PTPN3: variants seen among roughly 807,000 people sequenced by gnomAD.
PTPN3 encodes the protein tyrosine-protein phosphatase non-receptor type 3.
In PTPN3, 96 loss-of-function variants were observed where a neutral mutation model predicts 132.7. The ratio of observed to expected loss-of-function variants is 0.72; its 90% CI spans 0.61 to 0.86. The LOEUF is 0.86. PTPN3 is among the 40% of genes least tolerant of loss of function. The pLI is 0.00. For synonymous variants in PTPN3, 398 were observed against 429.0 expected, an observed-to-expected ratio of 0.93 and a Z score of 0.89; for missense variants, 1,125 against 1,159.6, an observed-to-expected ratio of 0.97 and a Z score of 0.43.
At chr9:109,500,623 G>GAAA (rs34983104), upstream of PTPN3, among the ~76,000 whole-genome samples, 1 of 143,928 alleles carries the variant, frequency 6.9e-6, no homozygotes, top group Non-Finnish European at 1.5e-5. Flanking sequence ...AATGTTAAAT[G>GAAA]AAAAAAAAAA....
intron 2 of PTPN3, among the ~76,000 whole-genome samples, chr9:109,457,680 C>T (rs1158574679): frequency 1.3e-5 from 2 of 152,194 alleles, no homozygotes; most frequent in Admixed American, 6.5e-5. Context: ...ATGTCTAAAT[C>T]GGAAAACTCA....
chr9:109,524,972 G>A, the PTPN3 span, among the ~76,000 whole-genome samples: 21 of 152,204 alleles, frequency 1.4e-4, no homozygotes, highest in South Asian at 1.7e-3. Flanking sequence ...TCCTGGCCTC[G>A]TGGCCTTAAG....
At chr9:109,452,121 AG>A (rs973428767) in intron 5 of PTPN3, among the ~76,000 whole-genome samples, 1 of 152,066 alleles carries the variant, frequency 6.6e-6, no homozygotes, top group Non-Finnish European at 1.5e-5. Context: ...TACAAAAATT[AG>A]CTGGGCTTGA....
At chr9:109,519,065 C>T in the PTPN3 span, among the ~76,000 whole-genome samples, 3 of 152,118 alleles carry the variant, frequency 2.0e-5, no homozygotes, top group African/African-American at 4.8e-5. Flanking sequence ...CTGCCTAGTC[C>T]ACTTGACCTC....
intron 9 of PTPN3, among the ~76,000 whole-genome samples, chr9:109,434,322 T>C (rs1588420170): frequency 6.8e-6 from 1 of 147,304 alleles, no homozygotes; most frequent in Admixed American, 6.8e-5. Flanking sequence ...TTTCATATTT[T>C]TGTAGAGATG....
intron 1 of PTPN3, among the ~76,000 whole-genome samples, chr9:109,475,855 C>T (rs966947202): frequency 3.4e-4 from 51 of 152,200 alleles, no homozygotes; most frequent in African/African-American, 1.2e-3. Flanking sequence ...CCTCTGTTCC[C>T]GCCAAGGAGT....
At chr9:109,388,391 A>G (rs1185375056) in intron 22 of PTPN3, among the ~76,000 whole-genome samples, 1 of 152,222 alleles carries the variant, frequency 6.6e-6, no homozygotes, top group East Asian at 1.9e-4. Context: ...TAGACCTCAG[A>G]GGAGATGGGA....
chr9:109,392,257 C>T (rs1489205381), intron 19 of PTPN3, among the ~76,000 whole-genome samples: 1 of 152,154 alleles, frequency 6.6e-6, no homozygotes, highest in Admixed American at 6.5e-5. Context: ...GAACTCAGAT[C>T]TGACTCCAAG....
In PTPN3 at chr9:109,391,458, G is replaced by A. The variant is rs543297422; in HGVS notation, c.2044+13C>T. On this transcript the variant is annotated intron_variant, in intron 20 of 25. Transcript: ENST00000374541. ...GTGTAGGGGGGAAGGAGGCATTCAT[G>A]CCGGATACTCACAAGGCAGCACATC... is the stretch of plus-strand genomic sequence containing the variant. 6 of 1,601,800 alleles carry A rather than the reference G, an allele frequency of 3.7e-6. No individual in the cohort carries two copies. The East Asian group carries it at 1.1e-4, about 30-fold the overall frequency.
intron 19 of PTPN3, among the ~76,000 whole-genome samples, chr9:109,394,944 C>A (rs1227998840): frequency 6.6e-6 from 1 of 151,652 alleles, no homozygotes; most frequent in Non-Finnish European, 1.5e-5. Context: ...TTGAGACCAT[C>A]CAGGCTAACA....
chr9:109,536,791 C>T, the PTPN3 span, among the ~76,000 whole-genome samples: 14 of 152,174 alleles, frequency 9.2e-5, no homozygotes, highest in Non-Finnish European at 8.8e-5. Flanking sequence ...GACCTGGCTT[C>T]TCTTGCTGCC....
At chr9:109,472,758 ATAAATACAC>A (rs1216753019) in intron 1 of PTPN3, among the ~76,000 whole-genome samples, 4 of 152,244 alleles carry the variant, frequency 2.6e-5, no homozygotes, top group African/African-American at 9.6e-5. Flanking sequence ...CAATACAAAG[ATAAATACAC>A]TAAATACACT....
the PTPN3 span, among the ~76,000 whole-genome samples, chr9:109,513,319 G>A: frequency 2.0e-5 from 3 of 152,168 alleles, no homozygotes; most frequent in South Asian, 2.1e-4. Context: ...CACATCCGGC[G>A]TGGAATGTTC....
At chr9:109,459,501 T>C (rs996398995) in intron 2 of PTPN3, among the ~76,000 whole-genome samples, 6 of 152,208 alleles carry the variant, frequency 3.9e-5, no homozygotes, top group Non-Finnish European at 8.8e-5. Context: ...ATAAGAACAA[T>C]GACGTTCATA....
the PTPN3 span, among the ~76,000 whole-genome samples, chr9:109,535,372 T>G: frequency 1.1e-3 from 168 of 152,322 alleles, 1 homozygote; most frequent in East Asian, 6.2e-3. Context: ...CCTGATCCAG[T>G]TATGTTCCTG....
At chr9:109,387,443 G>A (rs1463945505) in intron 22 of PTPN3, among the ~76,000 whole-genome samples, 1 of 152,168 alleles carries the variant, frequency 6.6e-6, no homozygotes, top group Non-Finnish European at 1.5e-5. Flanking sequence ...TGGCAACCCA[G>A]GGGCCCCTAA....
Position 109,457,029 on chromosome 9 carries a change from C to G in PTPN3, c.289+144G>C, listed in dbSNP as rs973973903. On this transcript the variant is annotated intron_variant, in intron 4 of 25. Coordinates refer to ENST00000374541, the MANE Select transcript of PTPN3 (RefSeq NM_002829.4). Reference sequence around the variant, plus strand: ...CATCTCTGCTGACTCAGAAGTCAGACAGGGAGAAGTCGGCTCACTCATGAC... The same window carrying G: ...CATCTCTGCTGACTCAGAAGTCAGAGAGGGAGAAGTCGGCTCACTCATGAC... The G allele has an allele frequency of 2.6e-5, 20 of 772,456 alleles. No homozygotes were observed. The African/African-American group carries it at 2.8e-4, about 11-fold the overall frequency. 47.9% of individuals were successfully genotyped at this position (772,456 alleles called of 1,614,324 possible). A position where few individuals can be genotyped will look rare whatever the true frequency, so the allele number is the denominator to read the frequency against.
rs1261852817 is a variant in PTPN3 at position 109,498,139 on chromosome 9, G to A, written c.-18+80C>T. On this transcript the variant is annotated intron_variant, in intron 1 of 25. Transcript: ENST00000374541. The surrounding 1 kb of genome is among the most constrained non-coding windows in gnomAD (Gnocchi z 4.2). ...GCGCGCCCCAGGGACGGGTGGGGGC[G>A]GGGTGGCGCCGAGCGCGACCCCGGC... The A allele has an allele frequency of 6.8e-6, 1 of 146,004 alleles. No individual in the cohort carries two copies. Among genetic ancestry groups the A allele is most frequent in the East Asian group, 2.0e-4 (1 of 5,062 alleles). 9.0% of individuals were successfully genotyped at this position (146,004 alleles called of 1,614,324 possible).
At position 109,410,215 on chromosome 9, in the gene PTPN3, C is replaced by T; in HGVS notation, c.1500+14G>A. 6.2e-7 allele frequency: 1 copy of T among 1,612,348 alleles called. No individual in the cohort carries two copies. The highest frequency in any genetic ancestry group is 8.5e-7 in the Non-Finnish European group (1 of 1,178,598). ...CTGGGTGTGTGGATCACCCGGCTGC[C>T]TGCGCTCGCTCACCTTGTCACAGTA... is the stretch of plus-strand genomic sequence containing the variant. On this transcript the variant is annotated intron_variant, in intron 15 of 25. Transcript: ENST00000374541.
Sources: gnomAD v4.1 joint callset for allele counts (sites outside exome capture counted in the v4.1 genomes callset) on GRCh38, gnomAD v4.1.1 for gene constraint, Gnocchi (gnomAD v3.1) non-coding constraint, MANE v1.5 for transcripts, NCBI Gene and HGNC (gene_info 2026-07-23, HGNC 2026-07-21) for gene names.